The following EPM2A variants were observed in gnomAD, a reference collection of about 807,000 sequenced individuals.
The protein encoded by EPM2A is laforin.
Under a neutral mutation model 26.5 loss-of-function variants are expected in EPM2A, and 21 were observed. That is an observed-to-expected ratio of 0.79 (90% CI 0.56 to 1.14). EPM2A has a LOEUF of 1.14. Among genes scored for constraint, EPM2A ranks in the 50% most tolerant of loss-of-function variants. EPM2A has a pLI of 0.00. For synonymous variants in EPM2A, 217 were observed against 177.6 expected (o/e 1.22, Z -1.76); for missense variants, 458 against 440.8 (o/e 1.04, Z -0.35).
At chr6:145,439,795 A>G (rs1040909050) in intron 4 of EPM2A, among the ~76,000 whole-genome samples, 2 of 152,154 alleles carry the variant, frequency 1.3e-5, no homozygotes, top group African/African-American at 2.4e-5. Flanking sequence ...ATAGTTTCAT[A>G]TGCTGTGCAG....
At chr6:145,538,550 G>A (rs1331446104) in intron 2 of EPM2A, among the ~76,000 whole-genome samples, 1 of 152,214 alleles carries the variant, frequency 6.6e-6, no homozygotes, top group East Asian at 1.9e-4. Flanking sequence ...ATGAAGTGGA[G>A]TAGGCTTGAT....
At chr6:145,516,381 C>T (rs891066780) in intron 2 of EPM2A, among the ~76,000 whole-genome samples, 3 of 152,120 alleles carry the variant, frequency 2.0e-5, no homozygotes, top group Non-Finnish European at 4.4e-5. Context: ...AACCTTGCCT[C>T]TCTGAGGACC....
chr6:145,671,470 T>A, intron 2 of EPM2A: 1 of 758,288 alleles, frequency 1.3e-6, no homozygotes, highest in Non-Finnish European at 1.6e-6. Context: ...AAATGTGATA[T>A]AAGCCTTAGC....
intron 4 of EPM2A, among the ~76,000 whole-genome samples, chr6:145,477,494 C>G (rs886791356): frequency 1.3e-5 from 2 of 151,716 alleles, no homozygotes; most frequent in Admixed American, 1.3e-4. Flanking sequence ...AAGAAAACTA[C>G]AGGCCATTAT....
intron 1 of EPM2A, chr6:145,722,702 C>T (rs1776004388): frequency 2.3e-6 from 1 of 438,904 alleles, no homozygotes; most frequent in African/African-American, 2.1e-5. Flanking sequence ...AGAATGTGAT[C>T]TTATTTGAAG....
intron 2 of EPM2A, among the ~76,000 whole-genome samples, chr6:145,519,564 T>C (rs908963371): frequency 1.3e-5 from 2 of 152,134 alleles, no homozygotes; most frequent in South Asian, 2.1e-4. Flanking sequence ...TTTTGAAGAC[T>C]GTATAGGAAA....
chr6:145,501,957 A>C (rs932939413), intron 3 of EPM2A: 1 of 444,494 alleles, frequency 2.2e-6, no homozygotes, highest in Non-Finnish European at 4.6e-6. Flanking sequence ...ACTTGTCCAA[A>C]GTCTTAGTGC....
chr6:145,498,639 C>T (rs901959025), downstream of EPM2A, among the ~76,000 whole-genome samples: 1 of 152,194 alleles, frequency 6.6e-6, no homozygotes, highest in Non-Finnish European at 1.5e-5. Flanking sequence ...CTCTGTGTCA[C>T]GCCTGCATGG....
At chr6:145,529,434 A>G (rs1380271076) in intron 2 of EPM2A, among the ~76,000 whole-genome samples, 5 of 152,188 alleles carry the variant, frequency 3.3e-5, no homozygotes, top group Admixed American at 3.3e-4. Context: ...CTTATTCAGC[A>G]ACCATCAACA....
At chr6:145,486,484 T>C (rs901066073) in intron 4 of EPM2A, among the ~76,000 whole-genome samples, 1 of 152,158 alleles carries the variant, frequency 6.6e-6, no homozygotes, top group African/African-American at 2.4e-5. Flanking sequence ...ATTTGGCAAA[T>C]ATCCCTAATA....
At chr6:145,490,661 TAG>T in intron 4 of EPM2A, 4 of 621,928 alleles carry the variant, frequency 6.4e-6, no homozygotes, top group Admixed American at 5.7e-5. Context: ...AAACTCTCAG[TAG>T]AGTGTGATTT....
intron 2 of EPM2A, among the ~76,000 whole-genome samples, chr6:145,536,265 GTT>G (rs1780429216): frequency 6.9e-6 from 1 of 144,938 alleles, no homozygotes; most frequent in Non-Finnish European, 1.5e-5. Context: ...TTTTGTTTTT[GTT>G]TTTGTTTTTG....
rs542289945 is a variant in EPM2A at position 145,399,443 on chromosome 6, A to C, written c.556-15346T>G. Among the ~76,000 whole-genome samples the C allele has an allele frequency of 2.6e-5, 4 of 152,318 alleles. No homozygotes were observed. The East Asian group carries it at 7.7e-4, about 29-fold the overall frequency. The stretch of plus-strand genomic sequence containing the variant: ...CAACTATAAAAGTTTTCCTGCTTTC[A>C]ACAGACTAAAAAGAGAATTACTGGG... On this transcript the variant is annotated intron_variant, in intron 4 of 4. Transcript: ENST00000638717.
At chr6:145,652,480 C>T (rs1777952885) in intron 2 of EPM2A, among the ~76,000 whole-genome samples, 1 of 152,010 alleles carries the variant, frequency 6.6e-6, no homozygotes, top group South Asian at 2.1e-4. Context: ...AACATATGAA[C>T]TTTTAAAGAC....
intron 2 of EPM2A, among the ~76,000 whole-genome samples, chr6:145,576,476 TA>T (rs1184905165): frequency 6.6e-6 from 1 of 152,160 alleles, no homozygotes; most frequent in Non-Finnish European, 1.5e-5. Context: ...TTAAAACTAA[TA>T]AACAGGAGTA....
intron 4 of EPM2A, among the ~76,000 whole-genome samples, chr6:145,404,427 T>A (rs1778539092): frequency 6.7e-6 from 1 of 149,306 alleles, no homozygotes; most frequent in African/African-American, 2.4e-5. Flanking sequence ...TTTTTTTAAA[T>A]GTGTATATGC....
At chr6:145,696,419 A>C (rs1781572717) in intron 1 of EPM2A, among the ~76,000 whole-genome samples, 2 of 152,196 alleles carry the variant, frequency 1.3e-5, no homozygotes, top group Admixed American at 1.3e-4. Context: ...CTAAGAGTAT[A>C]AATTTCAAAG....
At chr6:145,581,186 A>G (rs1781107652) in intron 2 of EPM2A, among the ~76,000 whole-genome samples, 1 of 152,168 alleles carries the variant, frequency 6.6e-6, no homozygotes. Context: ...ACTTTTTAGT[A>G]ATAGCCATTC....
At chr6:145,398,615 C>T (rs541134531) in intron 4 of EPM2A, among the ~76,000 whole-genome samples, 10 of 152,208 alleles carry the variant, frequency 6.6e-5, no homozygotes, top group East Asian at 3.9e-4. Flanking sequence ...GGACTACAGG[C>T]GTGAGCCACT....
Sources: allele counts gnomAD v4.1 joint callset (sites outside exome capture counted in the v4.1 genomes callset), GRCh38; gene constraint gnomAD v4.1.1; transcripts MANE v1.5; gene names NCBI Gene and HGNC (gene_info 2026-07-23, HGNC 2026-07-21).